The following MYCBP2 variants were observed in gnomAD, a reference collection of about 807,000 sequenced individuals.
MYCBP2 encodes the protein E3 ubiquitin-protein ligase MYCBP2.
Under a neutral mutation model 525.3 loss-of-function variants are expected in MYCBP2, and 120 were observed. That is an observed-to-expected ratio of 0.23 (90% CI 0.20 to 0.27). The LOEUF is 0.27. Among genes scored for constraint, MYCBP2 ranks in the 10% least tolerant of loss-of-function variants. MYCBP2 has a pLI of 1.00. For missense variants in MYCBP2, 4,149 were observed against 5,657.1 expected (o/e 0.73, Z 8.55); for synonymous variants, 1,894 against 1,955.8 (o/e 0.97, Z 0.83).
intron 28 of MYCBP2, 117 bp from the exon 29 acceptor site, chr13:77,190,452 G>T: frequency 1.6e-6 from 1 of 640,354 alleles, no homozygotes; most frequent in Non-Finnish European, 2.6e-6. Context: ...TTTACATAAA[G>T]AAAAGCAAAA....
chr13:77,183,702 C>A lies in MYCBP2; in HGVS notation c.4719+1401G>T, dbSNP rs543864946. ...GAGTAGCTGAGATTACAGCTGTGCA[C>A]CACCATGCCTGGCTAATTTTTGTAT... On this transcript the variant is annotated intron_variant, in intron 32 of 82. Transcript: ENST00000544440. Among the ~76,000 whole-genome samples the A allele has an allele frequency of 3.3e-5, 5 of 151,876 alleles. No individual in the cohort carries two copies. In the South Asian group the frequency reaches 8.3e-4, roughly 25 times the overall value.
intron 19 of MYCBP2, among the ~76,000 whole-genome samples, chr13:77,224,741 T>A (rs1228697969): frequency 2.0e-5 from 3 of 152,198 alleles, no homozygotes; most frequent in African/African-American, 7.2e-5. Context: ...AATTTTTTCA[T>A]AATACACACT....
chr13:77,215,992 C>A (rs1043058737), intron 21 of MYCBP2, among the ~76,000 whole-genome samples: 2 of 152,186 alleles, frequency 1.3e-5, no homozygotes, highest in African/African-American at 4.8e-5. Flanking sequence ...GTGTCTAATA[C>A]TATTCCCCAC....
chr13:77,246,052 G>A (rs2069872254), intron 15 of MYCBP2, among the ~76,000 whole-genome samples: 1 of 151,968 alleles, frequency 6.6e-6, no homozygotes, highest in African/African-American at 2.4e-5. Flanking sequence ...ACTGACTTGG[G>A]GTCAGGGAAA....
chr13:77,280,564 TTC>T (rs1178545128), intron 3 of MYCBP2, among the ~76,000 whole-genome samples: 1 of 152,240 alleles, frequency 6.6e-6, no homozygotes, highest in Non-Finnish European at 1.5e-5. Flanking sequence ...AAGAGGATTT[TTC>T]ACAGATGACA....
At chr13:77,107,904 T>C (rs148460099) in intron 55 of MYCBP2, among the ~76,000 whole-genome samples, 4 of 152,264 alleles carry the variant, frequency 2.6e-5, no homozygotes, top group African/African-American at 9.6e-5. Context: ...AGGAGGAATA[T>C]GGAATTATGT....
chr13:77,171,719 C>A, intron 37 of MYCBP2, 85 bp from the exon 38 acceptor site: 2 of 1,291,480 alleles, frequency 1.5e-6, no homozygotes, highest in South Asian at 2.8e-5. Context: ...GATCTGAGAT[C>A]CTCATTTAAT....
At chr13:77,207,626 TTTAAA>T (rs1445703742) in intron 23 of MYCBP2, among the ~76,000 whole-genome samples, 1 of 152,114 alleles carries the variant, frequency 6.6e-6, no homozygotes, top group Non-Finnish European at 1.5e-5. Context: ...ATTAAAAAAT[TTTAAA>T]TTATTTTTAA....
rs924132418 is a variant in MYCBP2, at chr13:77,121,422, C to T, written c.8091G>A (p.Gly2697=). The change falls in exon 55 of 83, where the codon GGG becomes GGA. Residue 2697 remains glycine, a synonymous_variant. Transcript: ENST00000544440. The stretch of plus-strand genomic sequence containing the variant: ...CAAATCCTTGGGCACTGCAACTTGC[C>T]CCTTTATTAAAAGCTTGCACTGAGA... The part of the protein sequence containing the change: ...SPFSVQAFNK[G]ASCSAQGFDY... 1.3e-6 allele frequency: 2 copies of T among 1,596,620 alleles called. No homozygotes were observed. The highest frequency in any genetic ancestry group is 3.3e-5 in the Admixed American group (2 of 59,708).
intron 55 of MYCBP2, among the ~76,000 whole-genome samples, chr13:77,121,069 T>G (rs140737867): frequency 6.6e-6 from 1 of 152,200 alleles, no homozygotes; most frequent in African/African-American, 2.4e-5. Flanking sequence ...AAAAATCAAA[T>G]TTTACTAGAT....
chr13:77,262,061 T>C lies in MYCBP2; in HGVS notation c.1639A>G (p.Asn547Asp). 6.2e-7 allele frequency: 1 copy of C among 1,610,678 alleles called. No individual in the cohort carries two copies. The highest frequency in any genetic ancestry group is 8.5e-7 in the Non-Finnish European group (1 of 1,177,902). ...GREFALMKTA[N>D]GKIYYTGKYQ... Reference sequence around the variant, plus strand: ...CAAAGAGAATAATTTACCTTTCCATTTGCTGTTTTCATTAGCGCAAACTCT... The same window carrying C: ...CAAAGAGAATAATTTACCTTTCCATCTGCTGTTTTCATTAGCGCAAACTCT... Residue 547 changes from asparagine to aspartate, a missense_variant, in exon 11 of 83, where the codon AAT (asparagine) becomes GAT (aspartate). Asn to Asp is a conservative substitution (Grantham distance 23). Coordinates refer to ENST00000544440, the MANE Select transcript of MYCBP2 (RefSeq NM_015057.5).
chr13:77,216,917 A>G (rs997002654), intron 21 of MYCBP2, among the ~76,000 whole-genome samples: 11 of 151,864 alleles, frequency 7.2e-5, no homozygotes, highest in Non-Finnish European at 1.5e-4. Flanking sequence ...AGGATTTGAG[A>G]AAAAAAAATA....
chr13:77,053,664 G>T (rs983259926), intron 80 of MYCBP2, among the ~76,000 whole-genome samples: 31 of 152,256 alleles, frequency 2.0e-4, no homozygotes, highest in African/African-American at 7.2e-4. Flanking sequence ...GAAACACACA[G>T]AAATACTATT....
chr13:77,291,827 T>C (rs1456480765), intron 2 of MYCBP2, among the ~76,000 whole-genome samples: 1 of 151,696 alleles, frequency 6.6e-6, no homozygotes, highest in Non-Finnish European at 1.5e-5. Context: ...GAGGAAAAAG[T>C]TAACGCTGCA....
intron 5 of MYCBP2, chr13:77,272,238 G>A (rs2154345938): frequency 6.6e-6 from 1 of 152,278 alleles, no homozygotes; most frequent in African/African-American, 2.4e-5. Flanking sequence ...GCCTTAGCAT[G>A]TGGATACCTA....
chr13:77,166,515 A>C lies in MYCBP2; in HGVS notation c.6154T>G (p.Phe2052Val). The C allele has an allele frequency of 6.2e-7, 1 of 1,613,572 alleles. No homozygotes were observed. Among genetic ancestry groups the C allele is most frequent in the Non-Finnish European group, 8.5e-7 (1 of 1,179,694 alleles). Reference protein sequence around the residue: ...PECVRWMTIEFDPQCGTAQSE... With the variant: ...PECVRWMTIEVDPQCGTAQSE... Reference sequence around the variant, plus strand: ...TGTGCAGTACCACACTGAGGGTCAAATTCGATTGTCATCCACCTCACACAT... The same window carrying C: ...TGTGCAGTACCACACTGAGGGTCAACTTCGATTGTCATCCACCTCACACAT... Residue 2052 changes from phenylalanine (F) to valine (V), a missense_variant, in exon 41 of 83, where the codon TTT (phenylalanine) becomes GTT (valine). By Grantham distance (50) the Phe-to-Val change is conservative (BLOSUM62 -1). Around this residue, in one of 21 missense-constraint regions of MYCBP2, gnomAD observed 692 missense variants for 852.7 expected, o/e 0.81. Transcript: ENST00000544440.
In MYCBP2 at chr13:77,166,519, G is replaced by C; in HGVS notation, c.6150C>G (p.Ile2050Met). The change falls in exon 41 of 83, where the codon ATC becomes ATG. Residue 2050 changes from isoleucine to methionine, a missense_variant. Ile to Met is a conservative substitution (Grantham distance 10). Around this residue, in one of 21 missense-constraint regions of MYCBP2, gnomAD observed 692 missense variants for 852.7 expected, o/e 0.81. Transcript: ENST00000544440. ...CAGTACCACACTGAGGGTCAAATTCGATTGTCATCCACCTCACACATTCTG... is the reference window on the plus strand; with the variant it reads ...CAGTACCACACTGAGGGTCAAATTCCATTGTCATCCACCTCACACATTCTG... ...TFPECVRWMT[I>M]EFDPQCGTAQ... 6.2e-7 allele frequency: 1 copy of C among 1,613,160 alleles called. No individual in the cohort carries two copies. The highest frequency in any genetic ancestry group is 8.5e-7 in the Non-Finnish European group (1 of 1,179,576).
intron 76 of MYCBP2, among the ~76,000 whole-genome samples, chr13:77,060,506 G>A (rs922196202): frequency 6.6e-6 from 1 of 152,184 alleles, no homozygotes; most frequent in African/African-American, 2.4e-5. Context: ...GCAGACTGCA[G>A]ATGTGCTGAA....
intron 40 of MYCBP2, among the ~76,000 whole-genome samples, chr13:77,166,980 C>T (rs1185056574): frequency 6.5e-4 from 4 of 6,146 alleles, no homozygotes; most frequent in African/African-American, 7.9e-4. Flanking sequence ...CACACATACA[C>T]ACACACACAC....
Sources: allele counts gnomAD v4.1 joint callset (sites outside exome capture counted in the v4.1 genomes callset), GRCh38; gene constraint gnomAD v4.1.1; regional missense constraint gnomAD v4.1.1; transcripts MANE v1.5; gene names NCBI Gene and HGNC (gene_info 2026-07-23, HGNC 2026-07-21).